The following UVRAG variants were observed in gnomAD, a reference collection of about 807,000 sequenced individuals.
The protein encoded by UVRAG is UV radiation resistance-associated gene protein.
Under a neutral mutation model 78.0 loss-of-function variants are expected in UVRAG, and 19 were observed. The observed-to-expected ratio is 0.24, with a 90% CI of 0.17 to 0.36. UVRAG has a LOEUF of 0.36. Ranked by LOEUF, UVRAG falls within the 10% of genes least tolerant of loss-of-function variation. The pLI is 1.00. For synonymous variants in UVRAG, 323 were observed against 324.6 expected, an observed-to-expected ratio of 1.00 and a Z score of 0.05; for missense variants, 740 against 853.8, an observed-to-expected ratio of 0.87 and a Z score of 1.66.
rs186348045 is a variant in UVRAG at position 76,139,239 on chromosome 11, A to G, written c.1398-1472A>G. On this transcript the variant is annotated intron_variant, in intron 14 of 14. Transcript: ENST00000356136. ...TGCAAGTATAATCCTGCATCAGAGG[A>G]GAGAGAGCAGGGAGCTGGGGCCAGG... Among the ~76,000 whole-genome samples the G allele has an allele frequency of 1.1e-3, 162 of 152,310 alleles. 1 individual carries two copies. The Middle Eastern group carries it at 0.02, about 19-fold the overall frequency.
chr11:76,020,824 T>G (rs981365794), intron 12 of UVRAG, among the ~76,000 whole-genome samples: 1 of 151,986 alleles, frequency 6.6e-6, no homozygotes, highest in African/African-American at 2.4e-5. Context: ...TAGACTGTCT[T>G]TCAAGATTAT....
intron 5 of UVRAG, among the ~76,000 whole-genome samples, chr11:75,905,669 C>A (rs1165711918): frequency 6.6e-6 from 1 of 152,092 alleles, no homozygotes; most frequent in Non-Finnish European, 1.5e-5. Context: ...TGTACACACA[C>A]AGAGACACAC....
At chr11:75,910,981 C>A (rs1947723940) in intron 5 of UVRAG, among the ~76,000 whole-genome samples, 1 of 152,190 alleles carries the variant, frequency 6.6e-6, no homozygotes, top group Non-Finnish European at 1.5e-5. Context: ...AAAATGACTT[C>A]TGGAGCTTCC....
At chr11:75,977,371 G>A (rs60273992) in intron 7 of UVRAG, among the ~76,000 whole-genome samples, 1,710 of 152,322 alleles carry the variant, frequency 0.011, 32 homozygotes, top group African/African-American at 0.039. Context: ...GAGTTCTGTA[G>A]ATGTCTATTA....
chr11:76,089,020 A>G (rs1043236582), intron 13 of UVRAG, among the ~76,000 whole-genome samples: 5 of 152,242 alleles, frequency 3.3e-5, no homozygotes, highest in Non-Finnish European at 7.3e-5. Context: ...TTGCACATGC[A>G]TGATAGACTG....
At chr11:75,949,309 T>C (rs980939584) in intron 6 of UVRAG, among the ~76,000 whole-genome samples, 9 of 152,042 alleles carry the variant, frequency 5.9e-5, no homozygotes, top group Admixed American at 2.6e-4. Context: ...AGGACTTTTT[T>C]CCCCCCTAAT....
In UVRAG at chr11:76,141,673, G is replaced by C. The variant is rs1315739971; in HGVS notation, c.*260G>C. ...CACCCTCTAGTTGAAAGAGCTTACA[G>C]CTCGAGTCACCTTTTAGCTATTTGT... On this transcript the variant is annotated 3_prime_UTR_variant, in exon 15 of 15. Transcript: ENST00000356136. 3 of 483,448 alleles carry C rather than the reference G, an allele frequency of 6.2e-6. No individual in the cohort carries two copies. In the East Asian group the frequency reaches 1.1e-4, roughly 18 times the overall value. 29.9% of individuals were successfully genotyped at this position (483,448 alleles called of 1,614,324 possible). A position where few individuals can be genotyped will look rare whatever the true frequency, so the allele number is the denominator to read the frequency against.
chr11:75,960,235 C>A (rs1948884502), intron 6 of UVRAG, among the ~76,000 whole-genome samples: 1 of 147,556 alleles, frequency 6.8e-6, no homozygotes, highest in Admixed American at 6.8e-5. Flanking sequence ...TTTTAAATAT[C>A]TATGAAGCAC....
intron 8 of UVRAG, among the ~76,000 whole-genome samples, chr11:75,987,661 A>G (rs193259715): frequency 3.9e-5 from 6 of 152,110 alleles, no homozygotes; most frequent in Admixed American, 3.9e-4. Flanking sequence ...TAGAAGGTTT[A>G]CTATAAGCAT....
At chr11:76,108,969 G>C (rs756434304) in intron 13 of UVRAG, among the ~76,000 whole-genome samples, 5 of 152,130 alleles carry the variant, frequency 3.3e-5, no homozygotes, top group Non-Finnish European at 7.4e-5. Context: ...ATCAATCAAA[G>C]TAAAGCTGAA....
rs774785741 is a variant in UVRAG, at chr11:76,140,950, C to G, written c.1637C>G (p.Ser546Cys). ...SMGETERKIT[S>C]LSSSLDTSLD... is the part of the protein sequence containing the mutation. ...GGAGAGACCGAGAGAAAGATAACAT[C>G]TCTATCCTCCTCCTTGGATACCTCC... Residue 546 changes from serine (S) to cysteine (C), a missense_variant, in exon 15 of 15, where the codon TCT (serine) becomes TGT (cysteine). Physicochemically the swap from Ser to Cys is moderately radical, Grantham distance 112. Transcript: ENST00000356136. 3 of 1,614,186 alleles carry G rather than the reference C, an allele frequency of 1.9e-6. No homozygotes were observed. The highest frequency in any genetic ancestry group is 2.5e-6 in the Non-Finnish European group (3 of 1,180,030).
intron 5 of UVRAG, among the ~76,000 whole-genome samples, chr11:75,910,208 T>C (rs1039010425): frequency 6.6e-5 from 10 of 152,212 alleles, no homozygotes; most frequent in Non-Finnish European, 1.2e-4. Flanking sequence ...ATCCTTTAAA[T>C]GTCTGTAGTG....
chr11:76,125,550 G>A (rs1565171354), intron 14 of UVRAG, among the ~76,000 whole-genome samples: 1 of 152,156 alleles, frequency 6.6e-6, no homozygotes, highest in Non-Finnish European at 1.5e-5. Context: ...CCTCCAGTCA[G>A]GATGGAGAAC....
intron 5 of UVRAG, among the ~76,000 whole-genome samples, chr11:75,901,200 A>C (rs972504233): frequency 2.0e-5 from 3 of 152,230 alleles, no homozygotes; most frequent in South Asian, 2.1e-4. Context: ...CATACAAACA[A>C]ACACTGTATT....
At chr11:76,117,404 G>A (rs771064627) in intron 14 of UVRAG, among the ~76,000 whole-genome samples, 3 of 152,066 alleles carry the variant, frequency 2.0e-5, no homozygotes, top group East Asian at 3.8e-4. Flanking sequence ...AACCAAGTTC[G>A]CTTATCCATA....
intron 13 of UVRAG, among the ~76,000 whole-genome samples, chr11:76,093,771 G>A (rs61894373): frequency 6.6e-6 from 1 of 152,126 alleles, no homozygotes; most frequent in African/African-American, 2.4e-5. Context: ...GAGACAATGG[G>A]GTTTTCTAGA....
intron 4 of UVRAG, among the ~76,000 whole-genome samples, chr11:75,885,965 G>A (rs61311719): frequency 0.14 from 21,017 of 151,926 alleles, 3,244 homozygotes; most frequent in African/African-American, 0.38. Context: ...CTCATGCAAG[G>A]TAGGGCAGGA....
intron 2 of UVRAG, among the ~76,000 whole-genome samples, chr11:75,855,606 A>G (rs1007922740): frequency 6.6e-6 from 1 of 152,186 alleles, no homozygotes; most frequent in African/African-American, 2.4e-5. Context: ...ATATTTGATG[A>G]TCATTGTTTG....
At chr11:75,995,178 A>G (rs896974369) in intron 8 of UVRAG, among the ~76,000 whole-genome samples, 1 of 144,806 alleles carries the variant, frequency 6.9e-6, no homozygotes, top group Non-Finnish European at 1.5e-5. Context: ...ATTTTATAAA[A>G]GTTTTTTTTT....
Sources: allele counts gnomAD v4.1 joint callset (sites outside exome capture counted in the v4.1 genomes callset), GRCh38; gene constraint gnomAD v4.1.1; transcripts MANE v1.5; gene names NCBI Gene and HGNC (gene_info 2026-07-23, HGNC 2026-07-21).